CERKL: variants seen among roughly 807,000 people sequenced by gnomAD.
The protein encoded by CERKL is CERK like autophagy regulator.
A neutral mutation model predicts 63.4 loss-of-function variants in CERKL; 61 were observed. That is an observed-to-expected ratio of 0.96 (90% CI 0.78 to 1.19). The LOEUF (loss-of-function observed/expected upper bound fraction) is 1.19, where lower values mean the gene tolerates loss of function less well. CERKL is among the 50% of genes most tolerant of loss of function. CERKL has a pLI of 0.00. For missense variants in CERKL, 675 were observed against 655.5 expected, an observed-to-expected ratio of 1.03 and a Z score of -0.33; for synonymous variants, 250 against 230.5, an observed-to-expected ratio of 1.08 and a Z score of -0.77.
Position 181,537,871 on chromosome 2 carries a change from G to GAGGTT in CERKL, c.*308_*312dup, listed in dbSNP as rs1351470854. 3.8e-6 allele frequency: 2 copies of GAGGTT among 532,690 alleles called. No individual in the cohort carries two copies. The highest frequency in any genetic ancestry group is 3.1e-5 in the South Asian group (2 of 65,116). The allele number at this position is 532,690 out of a possible 1,614,324, so 33.0% of individuals were successfully genotyped here. A position where few individuals can be genotyped will look rare whatever the true frequency, so the allele number is the denominator to read the frequency against. On this transcript the variant is annotated 3_prime_UTR_variant, in exon 13 of 13. Coordinates refer to ENST00000410087, the MANE Select transcript of CERKL (RefSeq NM_201548.5). ...GGATATCCGTTTGGCCACACAGCAG[G>GAGGTT]AGGTTAGAGCAATGGAGCATTACTG...
intron 1 of CERKL, among the ~76,000 whole-genome samples, chr2:181,622,784 T>C (rs1686511278): frequency 6.6e-6 from 1 of 152,208 alleles, no homozygotes; most frequent in Admixed American, 6.5e-5. Context: ...TGAATATAAA[T>C]GTTAAACAAT....
chr2:181,586,795 T>G (rs1160816495), intron 2 of CERKL, among the ~76,000 whole-genome samples: 1 of 152,216 alleles, frequency 6.6e-6, no homozygotes, highest in East Asian at 1.9e-4. Context: ...CAAAGGCTCA[T>G]GAGAGCGGCA....
Position 181,537,738 on chromosome 2 carries a change from G to GT in CERKL, c.*445dup, listed in dbSNP as rs1226025464. On this transcript the variant is annotated 3_prime_UTR_variant, in exon 13 of 13. Coordinates refer to ENST00000410087, the MANE Select transcript of CERKL (RefSeq NM_201548.5). ...TTTTTGTGTGTCCAATAAACACATT[G>GT]TAAAAAAAAGAATTTGAATTGATAT... The GT allele has an allele frequency of 1.1e-5, 5 of 440,518 alleles. No individual in the cohort carries two copies. The highest frequency in any genetic ancestry group is 8.1e-5 in the African/African-American group (4 of 49,428). The allele number at this position is 440,518 out of a possible 1,614,324, so 27.3% of individuals were successfully genotyped here.
rs1009996971 is a variant in CERKL at position 181,537,023 on chromosome 2, G to A, written c.*1161C>T. 1.8e-5 allele frequency: 8 copies of A among 446,266 alleles called. No homozygotes were observed. The highest frequency in any genetic ancestry group is 1.6e-4 in the African/African-American group (8 of 49,682). 27.6% of individuals were successfully genotyped at this position (446,266 alleles called of 1,614,324 possible). A position where few individuals can be genotyped will look rare whatever the true frequency, so the allele number is the denominator to read the frequency against. The stretch of plus-strand genomic sequence containing the variant: ...CTGCAGTGATGGTGAGGAATGTTCT[G>A]AGATTTGCGAAGGCATTTGAGTAGT... On this transcript the variant is annotated 3_prime_UTR_variant, in exon 13 of 13. Coordinates refer to ENST00000410087, the MANE Select transcript of CERKL (RefSeq NM_201548.5).
chr2:181,623,560 C>CGT (rs952938298), intron 1 of CERKL, among the ~76,000 whole-genome samples: 3 of 152,206 alleles, frequency 2.0e-5, no homozygotes, highest in Non-Finnish European at 4.4e-5. Flanking sequence ...CTTTCAATAT[C>CGT]GTTAATTGGA....
chr2:181,566,849 C>T (rs775904667), intron 3 of CERKL, among the ~76,000 whole-genome samples: 3 of 152,116 alleles, frequency 2.0e-5, no homozygotes, highest in Non-Finnish European at 4.4e-5. Context: ...TAGCATTTTC[C>T]AGGGCAGCTC....
intron 1 of CERKL, among the ~76,000 whole-genome samples, chr2:181,653,265 C>A (rs1470474476): frequency 2.0e-5 from 3 of 152,168 alleles, no homozygotes; most frequent in East Asian, 1.9e-4. Context: ...AAAATAAGTA[C>A]TGACACAGAT....
chr2:181,634,854 T>C (rs1212180122), intron 1 of CERKL, among the ~76,000 whole-genome samples: 1 of 152,152 alleles, frequency 6.6e-6, no homozygotes, highest in Non-Finnish European at 1.5e-5. Flanking sequence ...AACACATAAC[T>C]TAGTAGTGTA....
rs2105786826 is a variant in CERKL at position 181,539,115 on chromosome 2, T to C, written c.1515A>G (p.Glu505=). ...FPWNVDGDLM[E]VASEVHIRLH... ...ACCTAATATGGACCTCTGATGCAAC[T>C]TCCATTAAGTCACCATCTACATTCC... The change falls in exon 12 of 13, where the codon GAA becomes GAG. Residue 505 remains glutamate, a synonymous_variant. Coordinates refer to ENST00000410087, the MANE Select transcript of CERKL (RefSeq NM_201548.5). 6.2e-7 allele frequency: 1 copy of C among 1,606,658 alleles called. No homozygotes were observed. The highest frequency in any genetic ancestry group is 8.5e-7 in the Non-Finnish European group (1 of 1,173,416).
intron 1 of CERKL, among the ~76,000 whole-genome samples, chr2:181,647,137 G>A (rs1574066225): frequency 6.6e-6 from 1 of 152,152 alleles, no homozygotes; most frequent in Non-Finnish European, 1.5e-5. Context: ...GATGGGATGG[G>A]TTTGCCTTCA....
intron 1 of CERKL, among the ~76,000 whole-genome samples, chr2:181,642,099 T>C (rs998467061): frequency 2.0e-5 from 3 of 152,238 alleles, no homozygotes; most frequent in African/African-American, 7.2e-5. Context: ...TTCCTCAAAT[T>C]TGACAGCTTA....
Position 181,609,250 on chromosome 2 carries a change from T to TC in CERKL, c.239-5172dup, listed in dbSNP as rs1423123038. On this transcript the variant is annotated intron_variant, in intron 1 of 12. Coordinates refer to ENST00000410087, the MANE Select transcript of CERKL (RefSeq NM_201548.5). ...TAGGTATATCTCCCAATGCTATCCC[T>TC]CCCCCCTCCCCCCACCCCAAGTAAC... is the stretch of plus-strand genomic sequence containing the variant. Among the ~76,000 whole-genome samples the TC allele has an allele frequency of 3.1e-3, 304 of 98,742 alleles. 1 individual carries two copies. Among genetic ancestry groups the TC allele is most frequent in the African/African-American group, 0.012 (295 of 25,288 alleles). The allele number at this position is 98,742 out of a possible 152,430, so 64.8% of individuals were successfully genotyped here. A position where few individuals can be genotyped will look rare whatever the true frequency, so the allele number is the denominator to read the frequency against.
chr2:181,618,067 T>C (rs1686279046), intron 1 of CERKL, among the ~76,000 whole-genome samples: 1 of 152,120 alleles, frequency 6.6e-6, no homozygotes, highest in African/African-American at 2.4e-5. Context: ...GGGTACTAAA[T>C]AATGTGTACA....
intron 1 of CERKL, among the ~76,000 whole-genome samples, chr2:181,613,584 G>C (rs1686064872): frequency 2.0e-5 from 3 of 152,130 alleles, no homozygotes; most frequent in Admixed American, 2.0e-4. Flanking sequence ...AAATTAAAAA[G>C]AAAAACTGTA....
intron 6 of CERKL, among the ~76,000 whole-genome samples, chr2:181,549,241 G>T (rs1202309766): frequency 6.6e-6 from 1 of 152,140 alleles, no homozygotes; most frequent in Admixed American, 6.6e-5. Context: ...TCTACTGGCT[G>T]AAATTTTTTT....
rs765061805 is a variant in CERKL, at chr2:181,539,075, GAAAT to G, written c.1538+13_1538+16del. ...TGTTTACTGGTTGACAATAAGCGGT[GAAAT>G]AAATAGACTTACCTAATATGGACCT... On this transcript the variant is annotated intron_variant, in intron 12 of 12. Transcript: ENST00000410087. 2.0e-5 allele frequency: 30 copies of G among 1,523,256 alleles called. No individual in the cohort carries two copies. The highest frequency in any genetic ancestry group is 2.4e-5 in the Non-Finnish European group (26 of 1,097,898). 94.4% of individuals were successfully genotyped at this position (1,523,256 alleles called of 1,614,324 possible). A position where few individuals can be genotyped will look rare whatever the true frequency, so the allele number is the denominator to read the frequency against.
At chr2:181,583,726 A>G (rs1684636955) in intron 2 of CERKL, among the ~76,000 whole-genome samples, 1 of 152,222 alleles carries the variant, frequency 6.6e-6, no homozygotes, top group African/African-American at 2.4e-5. Flanking sequence ...TGTCTACAGG[A>G]CAAATAATCT....
chr2:181,618,264 A>G (rs1453237492), intron 1 of CERKL, among the ~76,000 whole-genome samples: 1 of 16,850 alleles, frequency 5.9e-5, no homozygotes, highest in African/African-American at 1.9e-4. Flanking sequence ...AACTTACACA[A>G]TATTTTTTTT....
chr2:181,650,639 T>A (rs974227204), intron 1 of CERKL, among the ~76,000 whole-genome samples: 1 of 151,838 alleles, frequency 6.6e-6, no homozygotes, highest in Admixed American at 6.6e-5. Flanking sequence ...ATGCCTATAA[T>A]CCCAGCTACT....
Sources: allele counts gnomAD v4.1 joint callset (sites outside exome capture counted in the v4.1 genomes callset), GRCh38; gene constraint gnomAD v4.1.1; transcripts MANE v1.5; gene names NCBI Gene and HGNC (gene_info 2026-07-23, HGNC 2026-07-21).